Variants in CADM2 observed in about 807,000 individuals in gnomAD.
CADM2 encodes cell adhesion molecule 2, also known as immunoglobulin superfamily member 4D.
In CADM2, 12 loss-of-function variants were observed where a neutral mutation model predicts 49.8. The observed-to-expected ratio is 0.24, with a 90% CI of 0.15 to 0.39. The LOEUF is 0.39. Among genes scored for constraint, CADM2 ranks in the 10% least tolerant of loss-of-function variants. The probability of loss-of-function intolerance (pLI) is 1.00; values close to 1 mark genes in which losing one functional copy is unlikely to be tolerated. For synonymous variants in CADM2, 214 were observed against 175.4 expected (o/e 1.22, Z -1.74); for missense variants, 378 against 492.3 (o/e 0.77, Z 2.20).
At chr3:85,378,463 G>A (rs1323053494) in intron 1 of CADM2, among the ~76,000 whole-genome samples, 1 of 151,936 alleles carries the variant, frequency 6.6e-6, no homozygotes, top group Non-Finnish European at 1.5e-5. Context: ...GTAGTACTTT[G>A]CATCATTTAT....
At chr3:85,555,041 A>G (rs1311760153) in intron 1 of CADM2, among the ~76,000 whole-genome samples, 1 of 145,556 alleles carries the variant, frequency 6.9e-6, no homozygotes, top group Non-Finnish European at 1.5e-5. Flanking sequence ...TAACCACTGT[A>G]TGAGTCAACT....
intron 1 of CADM2, among the ~76,000 whole-genome samples, chr3:85,463,644 A>G (rs2038355988): frequency 6.6e-6 from 1 of 152,176 alleles, no homozygotes; most frequent in Non-Finnish European, 1.5e-5. Context: ...TCCCATGTTC[A>G]ACCCTGAAGG....
intron 1 of CADM2, among the ~76,000 whole-genome samples, chr3:84,968,955 C>T (rs1006668635): frequency 1.3e-4 from 20 of 151,974 alleles, no homozygotes; most frequent in Non-Finnish European, 2.1e-4. Flanking sequence ...AATTTGAATA[C>T]TGGTGGAAGT....
intron 1 of CADM2, among the ~76,000 whole-genome samples, chr3:85,216,498 C>A (rs528999386): frequency 6.6e-6 from 1 of 151,668 alleles, no homozygotes; most frequent in African/African-American, 2.4e-5. Context: ...TGATCATATT[C>A]TTTGCTGCAA....
Position 85,883,454 on chromosome 3 carries a change from G to T in CADM2, c.391+11G>T. The T allele has an allele frequency of 1.9e-6, 3 of 1,610,450 alleles. No individual in the cohort carries two copies. Among genetic ancestry groups the T allele is most frequent in the Non-Finnish European group, 2.5e-6 (3 of 1,177,506 alleles). Reference sequence around the variant, plus strand: ...ATCTCACCGTTCTGGGTAAGTGCAAGGGACTAACACCATGTAATCACAAAA... The same window carrying T: ...ATCTCACCGTTCTGGGTAAGTGCAATGGACTAACACCATGTAATCACAAAA... On this transcript the variant is annotated intron_variant, in intron 4 of 9. Coordinates refer to ENST00000383699, the MANE Select transcript of CADM2 (RefSeq NM_001167675.2).
chr3:85,661,820 ATTT>A (rs562279350), intron 1 of CADM2, among the ~76,000 whole-genome samples: 5 of 151,970 alleles, frequency 3.3e-5, no homozygotes, highest in African/African-American at 1.2e-4. Context: ...TCCAAAACTC[ATTT>A]TTTTAACTTT....
intron 1 of CADM2, among the ~76,000 whole-genome samples, chr3:85,335,444 C>G (rs183149409): frequency 1.3e-5 from 2 of 151,564 alleles, no homozygotes; most frequent in African/African-American, 4.8e-5. Flanking sequence ...TTAATTGACA[C>G]TTAATAATTG....
chr3:86,023,716 G>A (rs995230288), intron 8 of CADM2, among the ~76,000 whole-genome samples: 19 of 152,082 alleles, frequency 1.2e-4, no homozygotes, highest in African/African-American at 3.9e-4. Context: ...TAAAACAAAT[G>A]CAACACCTAT....
chr3:85,288,356 G>T (rs546336124), intron 1 of CADM2, among the ~76,000 whole-genome samples: 47 of 152,066 alleles, frequency 3.1e-4, no homozygotes, highest in Middle Eastern at 3.4e-3. Flanking sequence ...CTTTTAAAAT[G>T]CAATTTTCCT....
intron 6 of CADM2, among the ~76,000 whole-genome samples, chr3:85,934,872 T>G (rs1018279836): frequency 6.6e-6 from 1 of 151,932 alleles, no homozygotes; most frequent in African/African-American, 2.4e-5. Context: ...CAGAGCCTAT[T>G]TTGTTTATTG....
In CADM2 at chr3:85,890,367, G is replaced by C. The variant is rs541030447; in HGVS notation, c.529+4040G>C. 7.9e-5 allele frequency among the ~76,000 whole-genome samples: 12 copies of C among 152,228 alleles called. No homozygotes were observed. In the South Asian group the frequency reaches 1.2e-3, roughly 16 times the overall value. On this transcript the variant is annotated intron_variant, in intron 5 of 9. Coordinates refer to ENST00000383699, the MANE Select transcript of CADM2 (RefSeq NM_001167675.2). The stretch of plus-strand genomic sequence containing the variant: ...AATCTACATTTTACATAAGATAACC[G>C]TGTGAACAGATGAAGTGGAGGAAGG...
Position 86,065,637 on chromosome 3 carries a change from G to A in CADM2, c.1003G>A (p.Asp335Asn). ...PNALAGQNGP[D>N]HALIGGIVAV... Reference sequence around the variant, plus strand: ...TGCTTTGGCTGGCCAGAATGGCCCTGACCATGCTCTCATAGGAGGAATAGT... The same window carrying A: ...TGCTTTGGCTGGCCAGAATGGCCCTAACCATGCTCTCATAGGAGGAATAGT... Residue 335 changes from aspartate to asparagine, a missense_variant, in exon 9 of 10, where the codon GAC becomes AAC. Asp to Asn is a conservative substitution (Grantham distance 23). Transcript: ENST00000383699. The A allele has an allele frequency of 6.2e-7, 1 of 1,613,828 alleles. No homozygotes were observed. Among genetic ancestry groups the A allele is most frequent in the Non-Finnish European group, 8.5e-7 (1 of 1,179,846 alleles).
In CADM2 at chr3:85,321,114, ATATTTTTTTTTTTTTTTTTTT is replaced by A. The variant is rs1559777994; in HGVS notation, c.61+361448_61+361468del. On this transcript the variant is annotated intron_variant, in intron 1 of 9. Transcript: ENST00000383699. ...TACATATATATATATATATATATATATATTTTTTTTTTTTTTTTTTTTTTTTTTTTTTTTTTTTTTTTTTTT... is the reference window on the plus strand; with the variant it reads ...TACATATATATATATATATATATATATTTTTTTTTTTTTTTTTTTTTTTTT... Among the ~76,000 whole-genome samples the A allele has an allele frequency of 2.0e-3, 68 of 34,108 alleles. 2 individuals are homozygous for A. The highest frequency in any genetic ancestry group is 3.6e-3 in the Non-Finnish European group (52 of 14,436). The allele number at this position is 34,108 out of a possible 152,430, so 22.4% of individuals were successfully genotyped here.
intron 1 of CADM2, among the ~76,000 whole-genome samples, chr3:85,716,979 G>T (rs1228133266): frequency 6.6e-6 from 1 of 152,060 alleles, no homozygotes; most frequent in East Asian, 1.9e-4. Context: ...GGCTATATGG[G>T]CTCTTTTTTG....
chr3:85,916,231 T>C (rs1397990441), intron 6 of CADM2, among the ~76,000 whole-genome samples: 2 of 152,150 alleles, frequency 1.3e-5, no homozygotes, highest in African/African-American at 4.8e-5. Flanking sequence ...GCAGGTTAGT[T>C]ACATATGTAT....
At chr3:86,016,717 T>A (rs1206158188) in intron 8 of CADM2, among the ~76,000 whole-genome samples, 1 of 152,184 alleles carries the variant, frequency 6.6e-6, no homozygotes, top group Non-Finnish European at 1.5e-5. Context: ...CTCTGGCATT[T>A]TATGATAATG....
At chr3:85,425,112 TTA>T (rs1220236047) in intron 1 of CADM2, among the ~76,000 whole-genome samples, 2 of 152,220 alleles carry the variant, frequency 1.3e-5, no homozygotes, top group African/African-American at 4.8e-5. Context: ...CATATTCTAT[TTA>T]CTCAAAAGAG....
At chr3:85,734,528 C>G (rs552068561) in intron 2 of CADM2, among the ~76,000 whole-genome samples, 2 of 141,484 alleles carry the variant, frequency 1.4e-5, no homozygotes, top group South Asian at 4.5e-4. Context: ...TACACACATA[C>G]ACACACATAC....
rs2035658973 is a variant in CADM2 at position 85,046,421 on chromosome 3, G to A, written c.61+86753G>A. On this transcript the variant is annotated intron_variant, in intron 1 of 9. Coordinates refer to ENST00000383699, the MANE Select transcript of CADM2 (RefSeq NM_001167675.2). ...ACAACCAACAGCAAAATCCCACGGG[G>A]TCAATTATAGTTTTTGGTTTGTTTT... 2.0e-5 allele frequency among the ~76,000 whole-genome samples: 3 copies of A among 151,328 alleles called. No individual in the cohort carries two copies. The South Asian group carries it at 6.2e-4, about 31-fold the overall frequency.
Sources: gnomAD v4.1 joint callset for allele counts (sites outside exome capture counted in the v4.1 genomes callset) on GRCh38, gnomAD v4.1.1 for gene constraint, MANE v1.5 for transcripts, NCBI Gene and HGNC (gene_info 2026-07-23, HGNC 2026-07-21) for gene names.